PACRG: variants seen among roughly 807,000 people sequenced by gnomAD.
PACRG encodes parkin coregulated.
A neutral mutation model predicts 29.7 loss-of-function variants in PACRG; 29 were observed. The observed-to-expected ratio is 0.98, with a 90% CI of 0.73 to 1.33. PACRG has a LOEUF of 1.33. Ranked by LOEUF, PACRG falls within the 40% of genes most tolerant of loss-of-function variation. The probability of loss-of-function intolerance (pLI) is 0.00; values close to 1 mark genes in which losing one functional copy is unlikely to be tolerated. For synonymous variants in PACRG, 116 were observed against 118.7 expected (o/e 0.98, Z 0.15); for missense variants, 279 against 316.2 (o/e 0.88, Z 0.89).
intron 4 of PACRG, among the ~76,000 whole-genome samples, chr6:163,140,255 A>G (rs1817099794): frequency 6.6e-6 from 1 of 152,176 alleles, no homozygotes; most frequent in East Asian, 1.9e-4. Flanking sequence ...TTAGATCCCT[A>G]GGCCAGAAAC....
At chr6:163,067,488 A>G (rs1375016769) in intron 3 of PACRG, among the ~76,000 whole-genome samples, 1 of 152,218 alleles carries the variant, frequency 6.6e-6, no homozygotes, top group Non-Finnish European at 1.5e-5. Context: ...AAATGTAACC[A>G]TTCATGGATT....
At chr6:163,023,412 T>C (rs1250156791) in intron 2 of PACRG, among the ~76,000 whole-genome samples, 1 of 152,226 alleles carries the variant, frequency 6.6e-6, no homozygotes, top group Non-Finnish European at 1.5e-5. Flanking sequence ...ATTTCATTCT[T>C]CATTATAGCT....
At chr6:162,936,380 A>G (rs1008792057) in intron 2 of PACRG, among the ~76,000 whole-genome samples, 2 of 152,200 alleles carry the variant, frequency 1.3e-5, no homozygotes, top group African/African-American at 4.8e-5. Context: ...TTGTTTATAA[A>G]TGTATTAACT....
chr6:163,194,435 G>T (rs1780355481), intron 4 of PACRG, among the ~76,000 whole-genome samples: 1 of 150,824 alleles, frequency 6.6e-6, no homozygotes, highest in South Asian at 2.1e-4. Context: ...TCTTCATCTT[G>T]TTATTTCCAT....
chr6:163,154,895 A>G (rs1778248972), intron 4 of PACRG, among the ~76,000 whole-genome samples: 1 of 152,134 alleles, frequency 6.6e-6, no homozygotes, highest in Admixed American at 6.5e-5. Flanking sequence ...AACAAGCCCA[A>G]AGCTCTTATC....
At chr6:162,897,296 A>G (rs1019986706) in intron 2 of PACRG, among the ~76,000 whole-genome samples, 5 of 152,188 alleles carry the variant, frequency 3.3e-5, no homozygotes, top group African/African-American at 9.7e-5. Flanking sequence ...GAAAGACTGG[A>G]TTATCTTTCT....
intron 4 of PACRG, among the ~76,000 whole-genome samples, chr6:163,202,750 T>G (rs909962679): frequency 5.9e-5 from 9 of 152,174 alleles, no homozygotes; most frequent in African/African-American, 2.2e-4. Flanking sequence ...GTAATAAATA[T>G]GCAATTTTGC....
At position 163,274,861 on chromosome 6, in the gene PACRG, C is replaced by CT. The variant is rs58333018; in HGVS notation, c.614-39950dup. 5.5e-3 allele frequency among the ~76,000 whole-genome samples: 695 copies of CT among 126,284 alleles called. 29 individuals are homozygous for CT. Among genetic ancestry groups the CT allele is most frequent in the African/African-American group, 0.014 (470 of 33,246 alleles). 82.8% of individuals were successfully genotyped at this position (126,284 alleles called of 152,430 possible). A position where few individuals can be genotyped will look rare whatever the true frequency, so the allele number is the denominator to read the frequency against. On this transcript the variant is annotated intron_variant, in intron 4 of 4. Transcript: ENST00000366888. ...TTCTTTTTCTTTTCTTTCTTTCTTT[C>CT]TTTTTTTTTTTTTTTTGAGATAGAG...
chr6:163,283,539 G>A lies in PACRG; in HGVS notation c.614-31288G>A, dbSNP rs371536861. On this transcript the variant is annotated intron_variant, in intron 4 of 4. Transcript: ENST00000366888. ...TTTAGGGCCGGGCGCGGTGGCTCACGCCTGTAATCCCAGCACTTTGGGAGG... is the reference window on the plus strand; with the variant it reads ...TTTAGGGCCGGGCGCGGTGGCTCACACCTGTAATCCCAGCACTTTGGGAGG... Among the ~76,000 whole-genome samples the A allele has an allele frequency of 2.2e-3, 330 of 151,902 alleles. 1 individual carries two copies. The highest frequency in any genetic ancestry group is 0.011 in the South Asian group (53 of 4,790).
chr6:163,021,046 G>A (rs1806567112), intron 2 of PACRG, among the ~76,000 whole-genome samples: 1 of 152,134 alleles, frequency 6.6e-6, no homozygotes, highest in East Asian at 1.9e-4. Flanking sequence ...GGCAGGTGGA[G>A]CCCAGTGGAT....
At chr6:162,974,797 T>C (rs1584915025) in intron 2 of PACRG, among the ~76,000 whole-genome samples, 1 of 152,214 alleles carries the variant, frequency 6.6e-6, no homozygotes, top group East Asian at 1.9e-4. Context: ...AACTGAATCA[T>C]AGAAAGATTC....
At chr6:163,058,095 C>T (rs1285185714) in intron 2 of PACRG, among the ~76,000 whole-genome samples, 1 of 152,156 alleles carries the variant, frequency 6.6e-6, no homozygotes, top group Non-Finnish European at 1.5e-5. Flanking sequence ...TAGGGTAACT[C>T]AGGTAGAGAG....
intron 2 of PACRG, among the ~76,000 whole-genome samples, chr6:163,056,425 G>A (rs1403477112): frequency 6.6e-6 from 1 of 152,186 alleles, no homozygotes; most frequent in Non-Finnish European, 1.5e-5. Flanking sequence ...ATTGTGGGCA[G>A]GTCTGTGTCA....
chr6:163,173,203 G>T lies in PACRG; in HGVS notation c.613+83795G>T, dbSNP rs1779171908. 3.3e-5 allele frequency among the ~76,000 whole-genome samples: 5 copies of T among 152,234 alleles called. No homozygotes were observed. The South Asian group carries it at 1.0e-3, about 32-fold the overall frequency. The stretch of plus-strand genomic sequence containing the variant: ...CATTTTTCTTTATCCCTCTCTGTTT[G>T]CCATCTCTTCCATAATAAACTGCAT... On this transcript the variant is annotated intron_variant, in intron 4 of 4. Coordinates refer to ENST00000366888, the MANE Select transcript of PACRG (RefSeq NM_001080379.2).
chr6:163,290,278 G>GCGCACACACACACACA (rs1554242204), intron 4 of PACRG, among the ~76,000 whole-genome samples: 1 of 114,496 alleles, frequency 8.7e-6, no homozygotes. Context: ...GCGCGCGCGC[G>GCGCACACACACACACA]CACACACACA....
intron 2 of PACRG, among the ~76,000 whole-genome samples, chr6:162,835,846 GTCT>G (rs1455069439): frequency 6.6e-6 from 1 of 152,080 alleles, no homozygotes; most frequent in Non-Finnish European, 1.5e-5. Flanking sequence ...CTCTTTTAAG[GTCT>G]TCTGTTACAA....
chr6:163,162,318 G>A (rs780276676), intron 4 of PACRG, among the ~76,000 whole-genome samples: 1 of 152,220 alleles, frequency 6.6e-6, no homozygotes, highest in Non-Finnish European at 1.5e-5. Flanking sequence ...TAAAGCTCTG[G>A]TGGGACCTTG....
chr6:162,910,336 T>G (rs1260100363), intron 2 of PACRG, among the ~76,000 whole-genome samples: 1 of 152,202 alleles, frequency 6.6e-6, no homozygotes, highest in African/African-American at 2.4e-5. Context: ...ATTTCACAAT[T>G]GGTTCTTACT....
chr6:162,974,805 T>C (rs1801812532), intron 2 of PACRG, among the ~76,000 whole-genome samples: 2 of 152,244 alleles, frequency 1.3e-5, no homozygotes, highest in South Asian at 2.1e-4. Context: ...CATAGAAAGA[T>C]TCGTCACTTG....
Sources: allele counts gnomAD v4.1 joint callset (sites outside exome capture counted in the v4.1 genomes callset), GRCh38; gene constraint gnomAD v4.1.1; transcripts MANE v1.5; gene names NCBI Gene and HGNC (gene_info 2026-07-23, HGNC 2026-07-21).